IK: variants seen among roughly 807,000 people sequenced by gnomAD.
IK encodes the protein IK cytokine, also known as protein Red.
IK carries 47 observed loss-of-function variants against 90.9 expected under a neutral mutation model. That is an observed-to-expected ratio of 0.52 (90% confidence interval 0.41 to 0.66). IK has a LOEUF of 0.66. IK is among the 30% of genes least tolerant of loss of function. The probability of loss-of-function intolerance (pLI) is 0.00; values close to 1 mark genes in which losing one functional copy is unlikely to be tolerated. For synonymous variants in IK, 201 were observed against 227.5 expected, an observed-to-expected ratio of 0.88 and a Z score of 1.05; for missense variants, 385 against 709.3, an observed-to-expected ratio of 0.54 and a Z score of 5.19.
chr5:140,657,373 A>G (rs1338199443), intron 9 of IK, among the ~76,000 whole-genome samples, 181 bp from the exon 10 acceptor site: 1 of 152,178 alleles, frequency 6.6e-6, no homozygotes. Flanking sequence ...GTCTTGATTC[A>G]TTTTGATGCA....
intron 13 of IK, 133 bp downstream of exon 13, chr5:140,659,466 T>G: frequency 1.0e-6 from 1 of 968,998 alleles, no homozygotes. Context: ...TCTTGCTTTA[T>G]TGAATAGGTG....
In IK at chr5:140,660,590, G is replaced by A. The variant is rs975197884; in HGVS notation, c.1356-168G>A. The A allele has an allele frequency of 5.5e-5, 32 of 583,836 alleles. 1 individual carries two copies. Among genetic ancestry groups the A allele is most frequent in the African/African-American group, 5.3e-4 (28 of 52,780 alleles). 36.2% of individuals were successfully genotyped at this position (583,836 alleles called of 1,614,324 possible). A position where few individuals can be genotyped will look rare whatever the true frequency, so the allele number is the denominator to read the frequency against. ...GGGGATTACAGGAGTGAGCCACTGC[G>A]CCTGGCCCAAGGCTACTTCTTACTT... On this transcript the variant is annotated intron_variant, in intron 15 of 19. Coordinates refer to ENST00000417647, the MANE Select transcript of IK (RefSeq NM_006083.4).
intron 8 of IK, among the ~76,000 whole-genome samples, chr5:140,655,291 G>A (rs1757691363): frequency 6.6e-6 from 1 of 152,192 alleles, no homozygotes; most frequent in African/African-American, 2.4e-5. Flanking sequence ...TTTAAACCTT[G>A]ATGATGAAAC....
chr5:140,654,143 T>C (rs1757666882), intron 6 of IK, 91 bp downstream of exon 6: 2 of 761,382 alleles, frequency 2.6e-6, no homozygotes, highest in Non-Finnish European at 4.6e-6. Flanking sequence ...TTCCTGAGAG[T>C]TCAGACTGAG....
chr5:140,660,691 G>C lies in IK; in HGVS notation c.1356-67G>C. ...TCCTATGCAGATAACCTCTTAGTCG[G>C]GTAGGTTTCCAGATGAAGCATAGGG... On this transcript the variant is annotated intron_variant, in intron 15 of 19. Coordinates refer to ENST00000417647, the MANE Select transcript of IK (RefSeq NM_006083.4). The C allele has an allele frequency of 2.4e-6, 3 of 1,263,876 alleles. No homozygotes were observed. In the South Asian group the frequency reaches 3.6e-5, roughly 15 times the overall value. The allele number at this position is 1,263,876 out of a possible 1,614,324, so 78.3% of individuals were successfully genotyped here.
chr5:140,651,677 G>A (rs1338956706), intron 2 of IK, 37 bp from the exon 3 acceptor site: 13 of 972,718 alleles, frequency 1.3e-5, no homozygotes, highest in Non-Finnish European at 2.1e-5. Flanking sequence ...ATTTCTTATT[G>A]AGTCCTAATA....
chr5:140,656,279 G>A (rs1345095045), intron 9 of IK, among the ~76,000 whole-genome samples: 4 of 152,148 alleles, frequency 2.6e-5, no homozygotes, highest in Admixed American at 6.6e-5. Context: ...TGCAAACTCC[G>A]CCTCCCAGGT....
intron 8 of IK, 104 bp downstream of exon 8, chr5:140,654,831 T>C (rs1757679600): frequency 2.6e-6 from 2 of 781,410 alleles, no homozygotes; most frequent in Non-Finnish European, 4.2e-6. Flanking sequence ...CCTCCTTTCT[T>C]CTTTCTTTCT....
chr5:140,648,874 G>A, intron 2 of IK: 1 of 292,686 alleles, frequency 3.4e-6, no homozygotes, highest in Non-Finnish European at 6.6e-6. Context: ...TTTCGCTCTT[G>A]TTGCTCAGGC....
rs188190134 is a variant in IK, at chr5:140,657,441, C to T, written c.802-113C>T. The T allele has an allele frequency of 1.1e-3, 812 of 716,942 alleles. 4 individuals carry two copies. The African/African-American group carries it at 0.013, about 11-fold the overall frequency. 44.4% of individuals were successfully genotyped at this position (716,942 alleles called of 1,614,324 possible). A position where few individuals can be genotyped will look rare whatever the true frequency, so the allele number is the denominator to read the frequency against. ...TATCCTTTCACAGCACTTCGTTTCC[C>T]TCCCTTCACCTACTGTATTGTAATT... On this transcript the variant is annotated intron_variant, in intron 9 of 19. Transcript: ENST00000417647.
intron 2 of IK, among the ~76,000 whole-genome samples, chr5:140,651,101 C>G (rs1757607769): frequency 6.6e-6 from 1 of 152,174 alleles, no homozygotes; most frequent in South Asian, 2.1e-4. Flanking sequence ...CAAATTCTCA[C>G]TCACACTTGA....
intron 2 of IK, 66 bp downstream of exon 2, chr5:140,648,603 T>C: frequency 7.0e-7 from 1 of 1,434,248 alleles, no homozygotes; most frequent in Non-Finnish European, 9.8e-7. Context: ...GTGGTGATGG[T>C]GAAAGAATTC....
chr5:140,659,942 C>G lies in IK; in HGVS notation c.1274+108C>G, dbSNP rs73791738. 57 of 968,534 alleles carry G rather than the reference C, an allele frequency of 5.9e-5. 1 individual carries two copies. In the South Asian group the frequency reaches 6.9e-4, roughly 12 times the overall value. 60.0% of individuals were successfully genotyped at this position (968,534 alleles called of 1,614,324 possible). ...ACCCTGCCCCTCTCCTTCCCTTTTACGCTGAATTTTGACAGAATGAAACCA... is the reference window on the plus strand; with the variant it reads ...ACCCTGCCCCTCTCCTTCCCTTTTAGGCTGAATTTTGACAGAATGAAACCA... On this transcript the variant is annotated intron_variant, in intron 14 of 19. Coordinates refer to ENST00000417647, the MANE Select transcript of IK (RefSeq NM_006083.4).
rs563033242 is a variant in IK, at chr5:140,652,605, G to A, written c.237-372G>A. Among the ~76,000 whole-genome samples the A allele has an allele frequency of 1.1e-4, 16 of 152,240 alleles. No individual in the cohort carries two copies. The East Asian group carries it at 2.9e-3, about 28-fold the overall frequency. ...TTGGCTTTTCCTTTATTCTGAGAGT[G>A]GACCAGCAAATAATACGTTCTTTTC... On this transcript the variant is annotated intron_variant, in intron 4 of 19. Coordinates refer to ENST00000417647, the MANE Select transcript of IK (RefSeq NM_006083.4).
At chr5:140,648,128 C>T in intron 1 of IK, 1 of 721,050 alleles carries the variant, frequency 1.4e-6, no homozygotes, top group Non-Finnish European at 2.5e-6. Flanking sequence ...GTCCCCAGTC[C>T]TCACTCCTAC....
At chr5:140,659,660 G>T (rs1039693397) in intron 13 of IK, 96 bp from the exon 14 acceptor site, 14 of 785,348 alleles carry the variant, frequency 1.8e-5, no homozygotes, top group Admixed American at 1.2e-4. Context: ...TAGACAAAAG[G>T]GTTCTATGCC....
At chr5:140,655,766 A>C in intron 8 of IK, 63 bp from the exon 9 acceptor site, 1 of 1,537,188 alleles carries the variant, frequency 6.5e-7, no homozygotes, top group Non-Finnish European at 8.9e-7. Flanking sequence ...GCACAGAGTA[A>C]GCACATAAGT....
intron 2 of IK, among the ~76,000 whole-genome samples, 151 bp downstream of exon 2, chr5:140,648,688 A>T (rs1222323040): frequency 3.3e-5 from 5 of 152,118 alleles, no homozygotes; most frequent in African/African-American, 1.2e-4. Flanking sequence ...TAACTGGATC[A>T]GGCCAAGTGC....
At chr5:140,660,715 G>A in intron 15 of IK, 43 bp from the exon 16 acceptor site, 1 of 1,509,236 alleles carries the variant, frequency 6.6e-7, no homozygotes, top group Non-Finnish European at 9.2e-7. Flanking sequence ...TGAAGCATAG[G>A]GTCAGGGTAT....
Sources: allele counts gnomAD v4.1 joint callset (sites outside exome capture counted in the v4.1 genomes callset), GRCh38; gene constraint gnomAD v4.1.1; transcripts MANE v1.5; gene names NCBI Gene and HGNC (gene_info 2026-07-23, HGNC 2026-07-21).